The following CDH9 variants were observed in gnomAD, a reference collection of about 807,000 sequenced individuals.
CDH9 encodes cadherin 9.
CDH9 carries 28 observed loss-of-function variants against 70.9 expected under a neutral mutation model. That is an observed-to-expected ratio of 0.40 (90% CI 0.29 to 0.54). The LOEUF is 0.54. Ranked by LOEUF, CDH9 falls within the 20% of genes least tolerant of loss-of-function variation. The probability of loss-of-function intolerance (pLI) is 0.59; values close to 1 mark genes in which losing one functional copy is unlikely to be tolerated. For missense variants in CDH9, 874 were observed against 984.4 expected (o/e 0.89, Z 1.50); for synonymous variants, 409 against 343.1 (o/e 1.19, Z -2.12).
At chr5:26,890,370 A>T in intron 8 of CDH9, 58 bp downstream of exon 8, 1 of 1,469,804 alleles carries the variant, frequency 6.8e-7, no homozygotes, top group Non-Finnish European at 9.5e-7. Flanking sequence ...AGCTGGTGCT[A>T]TTATTTTACC....
chr5:26,948,348 T>C lies in CDH9; in HGVS notation c.229-32424A>G, dbSNP rs538066496. 5.3e-5 allele frequency among the ~76,000 whole-genome samples: 8 copies of C among 152,272 alleles called. No homozygotes were observed. The South Asian group carries it at 1.7e-3, about 32-fold the overall frequency. On this transcript the variant is annotated intron_variant, in intron 2 of 11. Coordinates refer to ENST00000231021, the MANE Select transcript of CDH9 (RefSeq NM_016279.4). ...ACTGATGGGCCGAGAGATGAAACAT[T>C]TTTCTAGAATTCAACAAAATATTCA...
chr5:27,019,785 T>C (rs1164685647), intron 1 of CDH9, among the ~76,000 whole-genome samples: 4 of 151,896 alleles, frequency 2.6e-5, no homozygotes, highest in African/African-American at 9.7e-5. Flanking sequence ...TAATCTTATA[T>C]ATCCTTTGAA....
chr5:26,927,038 T>A (rs1183756049), intron 2 of CDH9, among the ~76,000 whole-genome samples: 2 of 151,100 alleles, frequency 1.3e-5, no homozygotes, highest in Non-Finnish European at 3.0e-5. Context: ...AATAACAGAT[T>A]AAAAAGAATA....
At chr5:26,969,207 A>G (rs1187461934) in intron 2 of CDH9, among the ~76,000 whole-genome samples, 3 of 152,210 alleles carry the variant, frequency 2.0e-5, no homozygotes, top group African/African-American at 7.2e-5. Flanking sequence ...ATATTCTTGT[A>G]CATGTATTTT....
intron 1 of CDH9, among the ~76,000 whole-genome samples, chr5:27,030,679 C>A (rs1203393919): frequency 6.6e-6 from 1 of 151,770 alleles, no homozygotes; most frequent in Non-Finnish European, 1.5e-5. Context: ...AAGCAGTAGA[C>A]AACATACAAC....
At chr5:26,883,041 T>TTA (rs59145200) in intron 11 of CDH9, among the ~76,000 whole-genome samples, 11 of 57,990 alleles carry the variant, frequency 1.9e-4, no homozygotes, top group African/African-American at 2.6e-4. Flanking sequence ...CAGGATCATC[T>TTA]TATATATATA....
At chr5:26,924,969 G>T (rs190158961) in intron 2 of CDH9, among the ~76,000 whole-genome samples, 96 of 152,168 alleles carry the variant, frequency 6.3e-4, no homozygotes, top group Non-Finnish European at 5.4e-4. Context: ...CATGTGGGTT[G>T]GTGCCAAGTC....
At chr5:26,989,267 G>A (rs1742540477) in intron 1 of CDH9, among the ~76,000 whole-genome samples, 1 of 151,888 alleles carries the variant, frequency 6.6e-6, no homozygotes, top group Non-Finnish European at 1.5e-5. Context: ...GATTTTATTT[G>A]TTATCAAATT....
intron 2 of CDH9, among the ~76,000 whole-genome samples, chr5:26,964,920 A>G (rs867227876): frequency 3.3e-5 from 5 of 151,854 alleles, no homozygotes; most frequent in South Asian, 2.1e-4. Context: ...CACCTTTTCT[A>G]AACACCTTTT....
Position 26,902,550 on chromosome 5 carries a change from A to T in CDH9, c.1179T>A (p.Asp393Glu). The T allele has an allele frequency of 6.3e-7, 1 of 1,591,528 alleles. No homozygotes were observed. The highest frequency in any genetic ancestry group is 8.6e-7 in the Non-Finnish European group (1 of 1,159,888). The change falls in exon 7 of 12, where the codon GAT (aspartate) becomes GAA (glutamate). Residue 393 changes from aspartate to glutamate, a missense_variant. Asp to Glu is a conservative substitution (Grantham distance 45, BLOSUM62 2). Transcript: ENST00000231021. ...TGATACTGCCCTCCTTTACATCTTC[A>T]TCTACTTCTATCAAGTAAGAGACTT... ...FTKVSYLIEV[D>E]EDVKEGSIIG...
chr5:27,021,780 T>C (rs1001973367), intron 1 of CDH9, among the ~76,000 whole-genome samples: 1 of 151,980 alleles, frequency 6.6e-6, no homozygotes, highest in Admixed American at 6.6e-5. Context: ...TAGAACTTTA[T>C]TGTAAAACTG....
At chr5:26,916,757 CAGAG>C (rs34096195) in intron 2 of CDH9, among the ~76,000 whole-genome samples, 18,461 of 151,752 alleles carry the variant, frequency 0.12, 1,272 homozygotes, top group Middle Eastern at 0.32. Flanking sequence ...AGAGACTAAT[CAGAG>C]AGAGAAAGAG....
At chr5:27,037,241 T>C (rs901369203) in intron 1 of CDH9, among the ~76,000 whole-genome samples, 6 of 152,066 alleles carry the variant, frequency 3.9e-5, no homozygotes, top group Non-Finnish European at 8.8e-5. Context: ...ACCACTTTTT[T>C]TGATGTCACA....
chr5:26,991,156 C>T lies in CDH9; in HGVS notation c.-49-2774G>A, dbSNP rs545528730. 4.6e-5 allele frequency among the ~76,000 whole-genome samples: 7 copies of T among 152,274 alleles called. No individual in the cohort carries two copies. The East Asian group carries it at 1.2e-3, about 25-fold the overall frequency. ...AGAGATCAGTTAGGGTCTTTTACTT[C>T]TAGTCCGGTAAGAGATGATGAAGGC... is the stretch of plus-strand genomic sequence containing the variant. On this transcript the variant is annotated intron_variant, in intron 1 of 11. Coordinates refer to ENST00000231021, the MANE Select transcript of CDH9 (RefSeq NM_016279.4).
chr5:26,984,484 A>C (rs1742456886), intron 2 of CDH9, among the ~76,000 whole-genome samples: 1 of 152,134 alleles, frequency 6.6e-6, no homozygotes, highest in African/African-American at 2.4e-5. Context: ...TATTAAAATC[A>C]AATAGGTAAA....
chr5:26,881,555 C>G lies in CDH9; in HGVS notation c.1951G>C (p.Asp651His). ...TAGGTCACAATGTTGTCCCGGACAT[C>G]GTCTTTTGAAATTATCAGAGGTTCC... ...KKEPLIISKD[D>H]VRDNIVTYND... Residue 651 changes from aspartate (D) to histidine (H), a missense_variant, in exon 12 of 12, where the codon GAT becomes CAT. Physicochemically the swap from Asp to His is moderately conservative, Grantham distance 81 (BLOSUM62 -1). Coordinates refer to ENST00000231021, the MANE Select transcript of CDH9 (RefSeq NM_016279.4). The G allele has an allele frequency of 1.2e-6, 2 of 1,613,510 alleles. No individual in the cohort carries two copies. Among genetic ancestry groups the G allele is most frequent in the Non-Finnish European group, 1.7e-6 (2 of 1,179,688 alleles).
intron 1 of CDH9, among the ~76,000 whole-genome samples, chr5:26,994,186 T>C (rs961774960): frequency 3.3e-5 from 5 of 152,162 alleles, no homozygotes; most frequent in Non-Finnish European, 5.9e-5. Context: ...TTATGTCTCA[T>C]CCATATCTTA....
intron 2 of CDH9, among the ~76,000 whole-genome samples, chr5:26,948,716 C>T (rs1305295451): frequency 1.3e-5 from 2 of 152,084 alleles, no homozygotes; most frequent in East Asian, 3.9e-4. Context: ...ATGAACATAC[C>T]ACAGTGCTTA....
chr5:26,996,935 T>A (rs1453997777), intron 1 of CDH9, among the ~76,000 whole-genome samples: 1 of 152,044 alleles, frequency 6.6e-6, no homozygotes, highest in Non-Finnish European at 1.5e-5. Flanking sequence ...TGAGCTGCCA[T>A]CTTCATATAA....
Sources: gnomAD v4.1 joint callset for allele counts (sites outside exome capture counted in the v4.1 genomes callset) on GRCh38, gnomAD v4.1.1 for gene constraint, MANE v1.5 for transcripts, NCBI Gene and HGNC (gene_info 2026-07-23, HGNC 2026-07-21) for gene names.